The following OR1F1 variants were observed in gnomAD, a reference collection of about 807,000 sequenced individuals.
OR1F1 encodes olfactory receptor 1F1.
For synonymous variants in OR1F1, 184 were observed against 156.7 expected, an observed-to-expected ratio of 1.17 and a Z score of -1.30; for missense variants, 493 against 376.3, an observed-to-expected ratio of 1.31 and a Z score of -2.57.
chr16:3,204,034 C>CTGAG (rs1337351386), upstream of OR1F1, among the ~76,000 whole-genome samples: 1 of 152,140 alleles, frequency 6.6e-6, no homozygotes, highest in Non-Finnish European at 1.5e-5. Flanking sequence ...ACTCAGGGTG[C>CTGAG]TCCGTGGATA....
At chr16:3,193,976 G>A in the OR1F1 span, among the ~76,000 whole-genome samples, 1 of 152,186 alleles carries the variant, frequency 6.6e-6, no homozygotes, top group Admixed American at 6.6e-5. Context: ...GTGGGTTCGA[G>A]TTCCACCTGG....
the OR1F1 span, among the ~76,000 whole-genome samples, chr16:3,198,700 A>G: frequency 6.6e-6 from 1 of 152,290 alleles, no homozygotes; most frequent in African/African-American, 2.4e-5. Flanking sequence ...CCCTTAAGAA[A>G]TCACAGCGGT....
At chr16:3,193,835 C>T in the OR1F1 span, among the ~76,000 whole-genome samples, 4 of 152,198 alleles carry the variant, frequency 2.6e-5, no homozygotes, top group African/African-American at 9.6e-5. Flanking sequence ...AATAAATGCC[C>T]AAACCAATTC....
chr16:3,206,174 G>A (rs1958206962), downstream of OR1F1, among the ~76,000 whole-genome samples: 1 of 152,156 alleles, frequency 6.6e-6, no homozygotes, highest in Non-Finnish European at 1.5e-5. Context: ...ACTGAAATAT[G>A]CCCTGGTCTC....
chr16:3,188,832 C>A, the OR1F1 span, among the ~76,000 whole-genome samples: 1 of 152,342 alleles, frequency 6.6e-6, no homozygotes, highest in African/African-American at 2.4e-5. Context: ...CGCCTGCTGC[C>A]CCACGGCCTT....
At chr16:3,205,078 T>C (rs1311261164) in exon 1 of OR1F1, 7 of 1,611,690 alleles carry the variant, frequency 4.3e-6, no homozygotes, top group Non-Finnish European at 5.9e-6. Flanking sequence ...TACTGTGTTG[T>C]ATACAGTAGT....
chr16:3,197,910 AGAAAGAGAGGGAGAAG>A, the OR1F1 span, among the ~76,000 whole-genome samples: 2 of 264 alleles, frequency 7.6e-3, no homozygotes. Context: ...AGGGAGAAGG[AGAAAGAGAGGGAGAAG>A]GAGGGAGAGG....
chr16:3,189,995 G>T, the OR1F1 span, among the ~76,000 whole-genome samples: 1 of 151,952 alleles, frequency 6.6e-6, no homozygotes, highest in African/African-American at 2.4e-5. Context: ...GTGCAAACTC[G>T]AGGCACCGAA....
the OR1F1 span, among the ~76,000 whole-genome samples, chr16:3,190,304 C>T: frequency 6.6e-6 from 1 of 152,238 alleles, no homozygotes; most frequent in African/African-American, 2.4e-5. Context: ...CCGGGTACCC[C>T]GTCCTGAGTC....
chr16:3,201,141 T>C (rs1231531839), upstream of OR1F1, among the ~76,000 whole-genome samples: 1 of 152,246 alleles, frequency 6.6e-6, no homozygotes, highest in East Asian at 1.9e-4. Flanking sequence ...CATTGTAGTG[T>C]GTGTCAGTGC....
the OR1F1 span, among the ~76,000 whole-genome samples, chr16:3,195,107 G>A: frequency 6.6e-6 from 1 of 152,202 alleles, no homozygotes; most frequent in African/African-American, 2.4e-5. Flanking sequence ...AGCGCATCCC[G>A]GCCCAGGAGG....
chr16:3,199,166 A>C, the OR1F1 span, among the ~76,000 whole-genome samples: 1 of 145,864 alleles, frequency 6.9e-6, no homozygotes, highest in African/African-American at 2.5e-5. Flanking sequence ...ACCTGAACAT[A>C]GTGGCATGTG....
chr16:3,191,548 C>A, the OR1F1 span, among the ~76,000 whole-genome samples: 3 of 152,134 alleles, frequency 2.0e-5, no homozygotes, highest in Non-Finnish European at 4.4e-5. Flanking sequence ...ATCTCAGGGT[C>A]GTGGGTTCGA....
chr16:3,202,550 T>C (rs992495881), upstream of OR1F1, among the ~76,000 whole-genome samples: 2 of 152,056 alleles, frequency 1.3e-5, no homozygotes, highest in African/African-American at 2.4e-5. Flanking sequence ...GTTGTTCTTG[T>C]TGTTTGTTTG....
At chr16:3,202,420 A>T (rs1208151025), upstream of OR1F1, among the ~76,000 whole-genome samples, 1 of 152,090 alleles carries the variant, frequency 6.6e-6, no homozygotes, top group Non-Finnish European at 1.5e-5. Context: ...TTAACCTGTC[A>T]TTTCTCCCTA....
exon 1 of OR1F1, chr16:3,205,093 C>G (rs781529274): frequency 1.2e-6 from 2 of 1,613,974 alleles, no homozygotes; most frequent in South Asian, 1.1e-5. Flanking sequence ...AGTAGTGACT[C>G]CCATGCTAAA....
At chr16:3,193,916 C>T in the OR1F1 span, among the ~76,000 whole-genome samples, 3 of 152,284 alleles carry the variant, frequency 2.0e-5, no homozygotes, top group Admixed American at 6.5e-5. Flanking sequence ...CACGTGGTAA[C>T]TGCCCCAGTG....
chr16:3,202,621 A>G (rs1958146739), upstream of OR1F1, among the ~76,000 whole-genome samples: 1 of 150,768 alleles, frequency 6.6e-6, no homozygotes, highest in Non-Finnish European at 1.5e-5. Context: ...GCACGCCTGT[A>G]GTACCTTGCC....
upstream of OR1F1, among the ~76,000 whole-genome samples, chr16:3,201,701 T>C (rs2141590008): frequency 6.6e-6 from 1 of 152,216 alleles, no homozygotes; most frequent in East Asian, 1.9e-4. Flanking sequence ...CAACCTTACC[T>C]GGAGTTGAGG....
Sources: gnomAD v4.1 joint callset for allele counts (sites outside exome capture counted in the v4.1 genomes callset) on GRCh38, gnomAD v4.1.1 for gene constraint, MANE v1.5 for transcripts, NCBI Gene and HGNC (gene_info 2026-07-23, HGNC 2026-07-21) for gene names.